Variants in OCA2 observed in about 807,000 individuals in gnomAD.
OCA2 encodes the protein P protein.
OCA2 carries 77 observed loss-of-function variants against 100.2 expected under a neutral mutation model. The observed-to-expected ratio is 0.77, with a 90% CI of 0.64 to 0.93. The LOEUF (loss-of-function observed/expected upper bound fraction) is 0.93, where lower values mean the gene tolerates loss of function less well. OCA2 is among the 40% of genes least tolerant of loss of function. OCA2 has a pLI of 0.00. For synonymous variants in OCA2, 432 were observed against 439.2 expected (o/e 0.98, Z 0.21); for missense variants, 1,062 against 1,089.1 (o/e 0.98, Z 0.35).
intron 1 of OCA2, among the ~76,000 whole-genome samples, chr15:28,082,454 G>A (rs1298308535): frequency 6.6e-6 from 1 of 152,186 alleles, no homozygotes; most frequent in Non-Finnish European, 1.5e-5. Flanking sequence ...GTGAGAGCAA[G>A]AACCCACCAG....
chr15:27,952,309 G>T (rs953135701), intron 17 of OCA2, among the ~76,000 whole-genome samples: 1 of 152,224 alleles, frequency 6.6e-6, no homozygotes, highest in South Asian at 2.1e-4. Flanking sequence ...TACACGACAT[G>T]CATGAGGCCC....
intron 18 of OCA2, among the ~76,000 whole-genome samples, chr15:27,932,468 C>A (rs573017388): frequency 7.5e-6 from 1 of 133,810 alleles, no homozygotes; most frequent in Non-Finnish European, 1.6e-5. Context: ...AAACATGGGG[C>A]GGGGCAGGGC....
At chr15:27,747,689 T>C in the OCA2 span, among the ~76,000 whole-genome samples, 12 of 152,314 alleles carry the variant, frequency 7.9e-5, no homozygotes, top group Middle Eastern at 6.8e-3. Context: ...ACTAACTCTC[T>C]CCAATTTGAA....
chr15:27,736,060 C>T, the OCA2 span, among the ~76,000 whole-genome samples: 1 of 152,040 alleles, frequency 6.6e-6, no homozygotes, highest in Non-Finnish European at 1.5e-5. Context: ...CCACAATGTA[C>T]ATATAGTTTG....
At chr15:27,830,739 A>T (rs1338615251) in intron 23 of OCA2, among the ~76,000 whole-genome samples, 1 of 152,206 alleles carries the variant, frequency 6.6e-6, no homozygotes, top group Non-Finnish European at 1.5e-5. Flanking sequence ...TCATAGCAAA[A>T]TATAAATAAC....
chr15:27,882,589 T>G (rs1278023724), intron 19 of OCA2, among the ~76,000 whole-genome samples: 1 of 152,212 alleles, frequency 6.6e-6, no homozygotes, highest in Non-Finnish European at 1.5e-5. Flanking sequence ...TTATTACATT[T>G]TTTTCTTATT....
At chr15:27,964,697 A>G (rs2040508623) in intron 15 of OCA2, among the ~76,000 whole-genome samples, 1 of 152,174 alleles carries the variant, frequency 6.6e-6, no homozygotes, top group Non-Finnish European at 1.5e-5. Context: ...CTGTTCTGAC[A>G]ATGCTCTGTA....
At chr15:27,880,338 C>T (rs1298981174) in intron 19 of OCA2, among the ~76,000 whole-genome samples, 2 of 152,164 alleles carry the variant, frequency 1.3e-5, no homozygotes, top group Admixed American at 6.5e-5. Context: ...TATATGCACT[C>T]GTTTTTGATT....
chr15:28,059,826 G>A (rs140728884), intron 2 of OCA2, among the ~76,000 whole-genome samples: 3 of 152,162 alleles, frequency 2.0e-5, no homozygotes, highest in Admixed American at 6.5e-5. Context: ...AAATATAACC[G>A]GCCGCTAGTC....
At chr15:27,983,565 C>G (rs1022796282) in intron 13 of OCA2, 82 bp from the exon 14 acceptor site, 7 of 1,507,470 alleles carry the variant, frequency 4.6e-6, no homozygotes, top group Non-Finnish European at 6.4e-6. Flanking sequence ...ATTTTTAAGG[C>G]GCTTGCTCGT....
At chr15:27,761,891 C>A (rs2030873070) in intron 23 of OCA2, among the ~76,000 whole-genome samples, 1 of 152,134 alleles carries the variant, frequency 6.6e-6, no homozygotes, top group Non-Finnish European at 1.5e-5. Context: ...TTGGCGTCAT[C>A]ACAGCTCCCT....
intron 18 of OCA2, among the ~76,000 whole-genome samples, chr15:27,934,916 C>T (rs1269741772): frequency 6.6e-6 from 1 of 152,212 alleles, no homozygotes; most frequent in Non-Finnish European, 1.5e-5. Context: ...GCCAGCGGCA[C>T]TAATCAGGCT....
At chr15:27,936,818 A>G (rs2703953) in intron 18 of OCA2, among the ~76,000 whole-genome samples, 73,714 of 152,022 alleles carry the variant, frequency 0.48, 21,692 homozygotes, top group East Asian at 0.8. Flanking sequence ...AATGGCTTCC[A>G]TTCAACACCT....
intron 23 of OCA2, among the ~76,000 whole-genome samples, chr15:27,772,061 G>C (rs1001953670): frequency 3.3e-5 from 5 of 152,188 alleles, no homozygotes; most frequent in Non-Finnish European, 2.9e-5. Context: ...AGGCTGCTGT[G>C]GTTCCCTGAG....
At chr15:27,908,618 A>G (rs2703925) in intron 19 of OCA2, among the ~76,000 whole-genome samples, 1 of 151,272 alleles carries the variant, frequency 6.6e-6, no homozygotes, top group Non-Finnish European at 1.5e-5. Context: ...AGGGGAAAAG[A>G]CGAATGTGGA....
At chr15:27,910,856 T>A (rs573598619) in intron 19 of OCA2, among the ~76,000 whole-genome samples, 1 of 151,754 alleles carries the variant, frequency 6.6e-6, no homozygotes, top group East Asian at 1.9e-4. Flanking sequence ...CTCAGGAGGC[T>A]GAGGCAGGAG....
chr15:27,902,760 C>A (rs540701010), intron 19 of OCA2, among the ~76,000 whole-genome samples: 97 of 152,320 alleles, frequency 6.4e-4, no homozygotes, highest in African/African-American at 2.3e-3. Flanking sequence ...GGCGGGATGG[C>A]CACAGGGAGA....
intron 19 of OCA2, among the ~76,000 whole-genome samples, chr15:27,885,024 CT>C: frequency 6.6e-6 from 1 of 152,248 alleles, no homozygotes; most frequent in South Asian, 2.1e-4. Context: ...TTCTTTCACT[CT>C]TTTACATTAT....
At chr15:27,834,075 A>G (rs1293126925) in intron 23 of OCA2, among the ~76,000 whole-genome samples, 1 of 152,202 alleles carries the variant, frequency 6.6e-6, no homozygotes. Flanking sequence ...AGATGGCTTC[A>G]GGAGGGGACT....
Sources: allele counts gnomAD v4.1 joint callset (sites outside exome capture counted in the v4.1 genomes callset), GRCh38; gene constraint gnomAD v4.1.1; transcripts MANE v1.5; gene names NCBI Gene and HGNC (gene_info 2026-07-23, HGNC 2026-07-21).